Variants in DYNC2LI1 observed in about 807,000 individuals in gnomAD.
DYNC2LI1 encodes the protein dynein cytoplasmic 2 light intermediate chain 1, also known as cytoplasmic dynein 2 light intermediate chain 1.
DYNC2LI1 carries 45 observed loss-of-function variants against 51.9 expected under a neutral mutation model. That is an observed-to-expected ratio of 0.87 (90% CI 0.68 to 1.11). The LOEUF is 1.11. Among genes scored for constraint, DYNC2LI1 ranks in the 50% most tolerant of loss-of-function variants. The probability of loss-of-function intolerance (pLI) is 0.00; values close to 1 mark genes in which losing one functional copy is unlikely to be tolerated. For synonymous variants in DYNC2LI1, 130 were observed against 137.8 expected (o/e 0.94, Z 0.40); for missense variants, 490 against 417.4 (o/e 1.17, Z -1.51).
the DYNC2LI1 span, among the ~76,000 whole-genome samples, chr2:43,821,863 A>ATT: frequency 6.6e-6 from 1 of 150,468 alleles, no homozygotes. Flanking sequence ...TCTATTTTTC[A>ATT]TTCTCTCTCT....
At chr2:43,816,057 C>G in the DYNC2LI1 span, among the ~76,000 whole-genome samples, 1 of 152,132 alleles carries the variant, frequency 6.6e-6, no homozygotes, top group African/African-American at 2.4e-5. Context: ...ACCTTTGTTT[C>G]TCCCTGTACC....
At chr2:43,817,585 C>T in the DYNC2LI1 span, among the ~76,000 whole-genome samples, 2 of 151,992 alleles carry the variant, frequency 1.3e-5, no homozygotes, top group African/African-American at 4.8e-5. Flanking sequence ...TCCAGATAAA[C>T]CCATCATAAG....
rs762939355 is a variant in DYNC2LI1 at position 43,787,287 on chromosome 2, G to A, written c.231+37G>A. The A allele has an allele frequency of 2.6e-6, 4 of 1,513,968 alleles. No homozygotes were observed. In the African/African-American group the frequency reaches 5.5e-5, roughly 21 times the overall value. The allele number at this position is 1,513,968 out of a possible 1,614,324, so 93.8% of individuals were successfully genotyped here. ...TTAAAGTGACATTGCTATGCCCATA[G>A]ATGGGAAAGTAATGCTGCTGACTTT... On this transcript the variant is annotated intron_variant, in intron 4 of 12. Transcript: ENST00000260605.
chr2:43,796,674 G>C (rs1357096962), intron 7 of DYNC2LI1, 44 bp from the exon 8 acceptor site: 1 of 1,365,880 alleles, frequency 7.3e-7, no homozygotes, highest in Non-Finnish European at 1.0e-6. Context: ...TCCTGCTATA[G>C]ATATTTGGTT....
intron 7 of DYNC2LI1, among the ~76,000 whole-genome samples, chr2:43,796,349 A>G (rs1006994864): frequency 2.6e-5 from 4 of 151,420 alleles, no homozygotes; most frequent in Non-Finnish European, 5.9e-5. Flanking sequence ...AAAAAAAAAA[A>G]GTCTTCAACC....
downstream of DYNC2LI1, among the ~76,000 whole-genome samples, chr2:43,811,141 T>G (rs1666466884): frequency 6.6e-6 from 1 of 152,218 alleles, no homozygotes; most frequent in South Asian, 2.1e-4. Flanking sequence ...TTGAAATCAG[T>G]GATTTCAAAA....
At chr2:43,797,515 CTTT>C (rs557695536) in intron 8 of DYNC2LI1, among the ~76,000 whole-genome samples, 1,668 of 110,556 alleles carry the variant, frequency 0.015, 28 homozygotes, top group African/African-American at 0.057. Context: ...AATATAACAA[CTTT>C]TTTTTTTTTT....
At chr2:43,804,333 T>G (rs1666169343) in intron 10 of DYNC2LI1, among the ~76,000 whole-genome samples, 1 of 152,198 alleles carries the variant, frequency 6.6e-6, no homozygotes, top group Non-Finnish European at 1.5e-5. Context: ...TTGCAGGTGT[T>G]TCTAGGGCAA....
intron 2 of DYNC2LI1, 37 bp downstream of exon 2, chr2:43,776,936 A>G (rs760557902): frequency 1.5e-5 from 16 of 1,070,916 alleles, no homozygotes; most frequent in Admixed American, 5.8e-5. Flanking sequence ...GTGATGATTT[A>G]ACAACCATTG....
At chr2:43,784,130 C>G (rs375884613) in intron 3 of DYNC2LI1, among the ~76,000 whole-genome samples, 1 of 152,076 alleles carries the variant, frequency 6.6e-6, no homozygotes, top group Non-Finnish European at 1.5e-5. Context: ...TATAACTTCT[C>G]CAAAATCATC....
chr2:43,792,114 A>T (rs992543977), intron 5 of DYNC2LI1, among the ~76,000 whole-genome samples: 3 of 152,166 alleles, frequency 2.0e-5, no homozygotes, highest in Non-Finnish European at 4.4e-5. Flanking sequence ...TGAAATTAGT[A>T]CAATTAAAAA....
intron 5 of DYNC2LI1, chr2:43,792,965 G>T: frequency 1.6e-6 from 1 of 609,452 alleles, no homozygotes; most frequent in Non-Finnish European, 2.5e-6. Flanking sequence ...ATGAACATTG[G>T]TGTACATTAT....
intron 3 of DYNC2LI1, 28 bp from the exon 4 acceptor site, chr2:43,787,153 G>A: frequency 1.3e-6 from 2 of 1,573,990 alleles, no homozygotes; most frequent in Non-Finnish European, 1.7e-6. Flanking sequence ...CACCTACAAT[G>A]ATAATACTAT....
chr2:43,792,421 A>G (rs1180480712), intron 5 of DYNC2LI1, among the ~76,000 whole-genome samples: 1 of 152,212 alleles, frequency 6.6e-6, no homozygotes, highest in Admixed American at 6.5e-5. Flanking sequence ...GTTATATTGG[A>G]TATAATCCTA....
chr2:43,825,531 C>T, the DYNC2LI1 span, among the ~76,000 whole-genome samples: 8 of 152,190 alleles, frequency 5.3e-5, no homozygotes, highest in African/African-American at 9.7e-5. Context: ...GCCAACTTGG[C>T]TGTGAAAGGC....
At chr2:43,817,096 G>A in the DYNC2LI1 span, among the ~76,000 whole-genome samples, 1 of 152,184 alleles carries the variant, frequency 6.6e-6, no homozygotes, top group Admixed American at 6.5e-5. Context: ...TTAATTTTCA[G>A]CGATGGAAGT....
At chr2:43,802,945 A>G (rs760837857) in intron 10 of DYNC2LI1, among the ~76,000 whole-genome samples, 1 of 152,158 alleles carries the variant, frequency 6.6e-6, no homozygotes, top group Non-Finnish European at 1.5e-5. Context: ...TGTTAGGGAA[A>G]TGCAAATTGA....
At chr2:43,792,639 C>A in intron 5 of DYNC2LI1, 2 of 1,519,844 alleles carry the variant, frequency 1.3e-6, no homozygotes, top group Non-Finnish European at 1.8e-6. Context: ...AAACTCTTTA[C>A]CTATTAAACA....
At chr2:43,775,341 G>T (rs1672961803) in intron 1 of DYNC2LI1, among the ~76,000 whole-genome samples, 1 of 152,022 alleles carries the variant, frequency 6.6e-6, no homozygotes, top group South Asian at 2.1e-4. Flanking sequence ...CTTGCCCATG[G>T]TTAGTTTTTA....
Sources: allele counts gnomAD v4.1 joint callset (sites outside exome capture counted in the v4.1 genomes callset), GRCh38; gene constraint gnomAD v4.1.1; transcripts MANE v1.5; gene names NCBI Gene and HGNC (gene_info 2026-07-23, HGNC 2026-07-21).